Variants in TJP1 observed in about 807,000 individuals in gnomAD.
The protein encoded by TJP1 is tight junction protein 1.
TJP1 carries 43 observed loss-of-function variants against 194.2 expected under a neutral mutation model. The ratio of observed to expected loss-of-function variants is 0.22; its 90% confidence interval spans 0.17 to 0.29. TJP1 has a LOEUF of 0.29. Among genes scored for constraint, TJP1 ranks in the 10% least tolerant of loss-of-function variants. TJP1 has a pLI of 1.00. For missense variants in TJP1, 1,971 were observed against 2,185.7 expected, an observed-to-expected ratio of 0.90 and a Z score of 1.96; for synonymous variants, 801 against 779.0, an observed-to-expected ratio of 1.03 and a Z score of -0.47.
chr15:29,909,489 G>A (rs368197060), intron 2 of TJP1, among the ~76,000 whole-genome samples: 29 of 152,040 alleles, frequency 1.9e-4, no homozygotes, highest in African/African-American at 5.8e-4. Flanking sequence ...ATTGAAAGTT[G>A]GCTCAAAGAA....
intron 2 of TJP1, among the ~76,000 whole-genome samples, chr15:29,781,382 T>A (rs1215305870): frequency 6.6e-6 from 1 of 152,120 alleles, no homozygotes; most frequent in Non-Finnish European, 1.5e-5. Flanking sequence ...ATAGCTGCTC[T>A]ACATGTACAA....
intron 2 of TJP1, among the ~76,000 whole-genome samples, chr15:29,924,460 TA>T (rs1042384951): frequency 7.9e-5 from 12 of 152,272 alleles, no homozygotes; most frequent in Admixed American, 2.6e-4. Context: ...ATACAAGAGA[TA>T]GCAAAAAGAC....
At chr15:29,907,599 CAT>C (rs1028938046) in intron 2 of TJP1, among the ~76,000 whole-genome samples, 4 of 152,084 alleles carry the variant, frequency 2.6e-5, no homozygotes, top group Admixed American at 1.3e-4. Context: ...TAATCAGGAA[CAT>C]AGAGTTAATG....
intron 5 of TJP1, among the ~76,000 whole-genome samples, chr15:29,765,332 C>T (rs182401252): frequency 1.3e-5 from 2 of 152,072 alleles, no homozygotes; most frequent in African/African-American, 4.8e-5. Flanking sequence ...AGGAGATATG[C>T]CAAGTGGTAA....
At chr15:29,750,402 G>A (rs2045189369) in intron 8 of TJP1, among the ~76,000 whole-genome samples, 2 of 152,274 alleles carry the variant, frequency 1.3e-5, no homozygotes, top group East Asian at 1.9e-4. Flanking sequence ...GCCTCCCAAA[G>A]TGCTGAGATT....
intron 2 of TJP1, among the ~76,000 whole-genome samples, chr15:29,884,085 A>T (rs1014001296): frequency 2.0e-5 from 3 of 152,246 alleles, no homozygotes; most frequent in African/African-American, 7.2e-5. Context: ...TCCTTTAACA[A>T]AATTTGAAAG....
At chr15:29,767,126 C>T (rs1052542795) in intron 4 of TJP1, among the ~76,000 whole-genome samples, 2 of 152,216 alleles carry the variant, frequency 1.3e-5, no homozygotes, top group Non-Finnish European at 2.9e-5. Flanking sequence ...TTTGTACTCC[C>T]AGTCTAGGTG....
At chr15:29,880,168 G>A (rs1293637171) in intron 2 of TJP1, among the ~76,000 whole-genome samples, 1 of 151,836 alleles carries the variant, frequency 6.6e-6, no homozygotes, top group East Asian at 1.9e-4. Context: ...ATTTCTCTGT[G>A]TATGTACATT....
At chr15:29,714,392 C>T (rs867839126) in intron 23 of TJP1, among the ~76,000 whole-genome samples, 3 of 151,438 alleles carry the variant, frequency 2.0e-5, no homozygotes, top group South Asian at 4.2e-4. Flanking sequence ...GCACCTGCCA[C>T]CATGCCCAGG....
intron 15 of TJP1, among the ~76,000 whole-genome samples, chr15:29,731,233 T>C (rs995178807): frequency 9.8e-5 from 15 of 152,300 alleles, no homozygotes; most frequent in Admixed American, 8.5e-4. Flanking sequence ...AGACTTCCTC[T>C]TGGCTCCCAG....
At chr15:29,942,877 A>AT (rs2055130438) in intron 2 of TJP1, among the ~76,000 whole-genome samples, 1 of 152,024 alleles carries the variant, frequency 6.6e-6, no homozygotes, top group Non-Finnish European at 1.5e-5. Flanking sequence ...CTCCCAAGTC[A>AT]TTTTTCTTTT....
chr15:29,859,789 C>T (rs773466434), intron 2 of TJP1, among the ~76,000 whole-genome samples: 10 of 152,210 alleles, frequency 6.6e-5, no homozygotes, highest in Non-Finnish European at 1.5e-4. Context: ...AGAGAATTCT[C>T]TTCATTAACG....
chr15:29,712,884 G>C (rs933282093), intron 23 of TJP1, among the ~76,000 whole-genome samples: 6 of 151,872 alleles, frequency 4.0e-5, no homozygotes, highest in Non-Finnish European at 8.8e-5. Flanking sequence ...CAACAGAAGA[G>C]CTACATTGAG....
chr15:29,840,352 T>A (rs1401433522), intron 2 of TJP1, among the ~76,000 whole-genome samples: 1 of 152,150 alleles, frequency 6.6e-6, no homozygotes, highest in Non-Finnish European at 1.5e-5. Context: ...CTAGAAGTTT[T>A]ATAGTTTCAC....
At chr15:29,846,912 C>T (rs1567129479) in intron 2 of TJP1, among the ~76,000 whole-genome samples, 2 of 151,070 alleles carry the variant, frequency 1.3e-5, no homozygotes, top group Admixed American at 6.6e-5. Context: ...GGCAACAAAG[C>T]GGGACTCCGT....
chr15:29,792,694 G>C (rs191113794), intron 2 of TJP1, among the ~76,000 whole-genome samples: 3 of 152,302 alleles, frequency 2.0e-5, no homozygotes, highest in East Asian at 3.9e-4. Flanking sequence ...CCTTTGGGTA[G>C]TGTGGACATT....
chr15:29,865,824 G>T (rs2052282869), intron 2 of TJP1, among the ~76,000 whole-genome samples: 1 of 152,108 alleles, frequency 6.6e-6, no homozygotes, highest in Non-Finnish European at 1.5e-5. Context: ...AAAAGTGAGG[G>T]GTGAGTTAAG....
At chr15:29,714,832 C>T (rs565368367) in intron 23 of TJP1, among the ~76,000 whole-genome samples, 18 of 152,242 alleles carry the variant, frequency 1.2e-4, no homozygotes, top group Admixed American at 6.5e-5. Context: ...CGAGCCACTG[C>T]GCCTGGCCAT....
chr15:29,734,781 C>T (rs970106230), intron 11 of TJP1, among the ~76,000 whole-genome samples: 6 of 151,874 alleles, frequency 4.0e-5, no homozygotes, highest in Admixed American at 3.3e-4. Flanking sequence ...TCACCACACC[C>T]GGCCGAAAAT....
Sources: gnomAD v4.1 joint callset for allele counts (sites outside exome capture counted in the v4.1 genomes callset) on GRCh38, gnomAD v4.1.1 for gene constraint, MANE v1.5 for transcripts, NCBI Gene and HGNC (gene_info 2026-07-23, HGNC 2026-07-21) for gene names.